Variants in ADGRV1 observed in about 807,000 individuals in gnomAD.
The protein encoded by ADGRV1 is adhesion G protein-coupled receptor V1.
Under a neutral mutation model 596.2 loss-of-function variants are expected in ADGRV1, and 359 were observed. The ratio of observed to expected loss-of-function variants is 0.60; its 90% confidence interval spans 0.55 to 0.66. The LOEUF (loss-of-function observed/expected upper bound fraction) is 0.66. Among genes scored for constraint, ADGRV1 ranks in the 30% least tolerant of loss-of-function variants. ADGRV1 has a pLI of 0.00. For synonymous variants in ADGRV1, 2,681 were observed against 2,679.2 expected, an observed-to-expected ratio of 1.00 and a Z score of -0.02; for missense variants, 7,274 against 7,575.6, an observed-to-expected ratio of 0.96 and a Z score of 1.48.
chr5:90,654,232 A>C, intron 20 of ADGRV1: 1 of 405,170 alleles, frequency 2.5e-6, no homozygotes, highest in Non-Finnish European at 4.5e-6. Flanking sequence ...GGAAGACAGA[A>C]AAAAATATGA....
At chr5:91,084,791 G>T (rs1427826404) in intron 86 of ADGRV1, among the ~76,000 whole-genome samples, 1 of 152,194 alleles carries the variant, frequency 6.6e-6, no homozygotes, top group Admixed American at 6.5e-5. Context: ...TATGTTTATT[G>T]AGGCACTATT....
chr5:90,714,587 A>G (rs1021605212), intron 42 of ADGRV1, among the ~76,000 whole-genome samples: 1 of 151,944 alleles, frequency 6.6e-6, no homozygotes, highest in Non-Finnish European at 1.5e-5. Flanking sequence ...TTTGATTTAT[A>G]TTTACATTAT....
intron 77 of ADGRV1, among the ~76,000 whole-genome samples, chr5:90,833,103 T>A (rs976634437): frequency 1.3e-5 from 2 of 152,056 alleles, no homozygotes; most frequent in African/African-American, 4.8e-5. Flanking sequence ...GTAGTTCCAT[T>A]TAAGATTATT....
At chr5:90,896,047 G>C (rs1771280020) in intron 83 of ADGRV1, among the ~76,000 whole-genome samples, 1 of 151,962 alleles carries the variant, frequency 6.6e-6, no homozygotes, top group South Asian at 2.1e-4. Flanking sequence ...CTATCAAAAT[G>C]ATCAAGCTAA....
intron 10 of ADGRV1, among the ~76,000 whole-genome samples, chr5:90,637,195 A>G (rs1766325398): frequency 6.6e-6 from 1 of 152,188 alleles, no homozygotes; most frequent in Non-Finnish European, 1.5e-5. Context: ...ACCCAGAGTC[A>G]TGATAAAAAT....
intron 32 of ADGRV1, among the ~76,000 whole-genome samples, chr5:90,693,191 A>G (rs1274541403): frequency 7.3e-6 from 1 of 136,370 alleles, no homozygotes; most frequent in Non-Finnish European, 1.5e-5. Context: ...CTCCTTCAGA[A>G]ATAGAAAACA....
At position 90,692,791 on chromosome 5, in the gene ADGRV1, A is replaced by G. The variant is rs1746655099; in HGVS notation, c.7133+5A>G. 9 of 1,579,272 alleles carry G rather than the reference A, an allele frequency of 5.7e-6. No individual in the cohort carries two copies. The highest frequency in any genetic ancestry group is 2.4e-5 in the South Asian group (2 of 84,252). On this transcript the variant is annotated splice_donor_5th_base_variant and intron_variant, in intron 32 of 89. Coordinates refer to ENST00000405460, the MANE Select transcript of ADGRV1 (RefSeq NM_032119.4). ...TAATATAACTGTCAGGCGAAGGTAT[A>G]TGAGATAGCTACTTGCCTCTGTGGG...
At chr5:90,655,603 G>C (rs959323291) in intron 20 of ADGRV1, 1 of 152,026 alleles carries the variant, frequency 6.6e-6, no homozygotes, top group East Asian at 1.9e-4. Context: ...GCAAATATTC[G>C]GTTTTAGTAG....
At chr5:90,931,641 G>T (rs1367870676) in intron 83 of ADGRV1, among the ~76,000 whole-genome samples, 1 of 152,168 alleles carries the variant, frequency 6.6e-6, no homozygotes, top group Admixed American at 6.5e-5. Flanking sequence ...TTATGTTGAA[G>T]TATGGAAAAC....
intron 70 of ADGRV1, among the ~76,000 whole-genome samples, chr5:90,801,802 C>T (rs116526111): frequency 2.0e-4 from 31 of 152,248 alleles, no homozygotes; most frequent in African/African-American, 7.5e-4. Context: ...CCAAGACCAA[C>T]GTTTCTATGG....
At chr5:91,096,030 A>G (rs982607399) in intron 86 of ADGRV1, among the ~76,000 whole-genome samples, 1 of 150,988 alleles carries the variant, frequency 6.6e-6, no homozygotes, top group Non-Finnish European at 1.5e-5. Flanking sequence ...AAAGTGCTGG[A>G]ATTACAGACG....
intron 85 of ADGRV1, among the ~76,000 whole-genome samples, chr5:91,040,486 T>C (rs1417813386): frequency 6.6e-6 from 1 of 152,218 alleles, no homozygotes; most frequent in Non-Finnish European, 1.5e-5. Context: ...TTGCTAAGTA[T>C]GTGTTGATGT....
intron 1 of ADGRV1, among the ~76,000 whole-genome samples, chr5:90,595,540 C>T (rs1428557967): frequency 2.1e-4 from 27 of 129,130 alleles, no homozygotes; most frequent in Non-Finnish European, 2.8e-4. Context: ...ACCTCCTGGA[C>T]GGGGCGGCTG....
In ADGRV1 at chr5:90,672,591, A is replaced by G; in HGVS notation, c.4798A>G (p.Arg1600Gly). The change falls in exon 22 of 90, where the codon AGA becomes GGA. Residue 1600 changes from arginine to glycine, a missense_variant. Arg to Gly is a moderately radical substitution (Grantham distance 125). Around this residue, in one of 5 missense-constraint regions of ADGRV1, gnomAD observed 3,643 missense variants for 3,809.2 expected, o/e 0.96. Transcript: ENST00000405460. The part of the protein sequence containing the change: ...STISCVVERT[R>G]GALDYVHVFY... Reference sequence around the variant, plus strand: ...CATTTCTTGTGTGGTTGAGAGAACCAGAGGAGCTCTGGATTATGTGCATGT... The same window carrying G: ...CATTTCTTGTGTGGTTGAGAGAACCGGAGGAGCTCTGGATTATGTGCATGT... 1 of 1,613,862 alleles carries G rather than the reference A, an allele frequency of 6.2e-7. No individual in the cohort carries two copies. Among genetic ancestry groups the G allele is most frequent in the Non-Finnish European group, 8.5e-7 (1 of 1,179,762 alleles).
chr5:90,910,551 TTATCTATC>T (rs58713482), intron 83 of ADGRV1, among the ~76,000 whole-genome samples: 13,654 of 147,082 alleles, frequency 0.093, 901 homozygotes, highest in African/African-American at 0.18. Context: ...TATATATATA[TTATCTATC>T]TATCTATCTA....
At chr5:90,749,683 A>G (rs552426538) in intron 52 of ADGRV1, among the ~76,000 whole-genome samples, 2 of 152,346 alleles carry the variant, frequency 1.3e-5, no homozygotes, top group East Asian at 3.9e-4. Flanking sequence ...GCTTTACTGC[A>G]TATGGAAAAT....
intron 86 of ADGRV1, among the ~76,000 whole-genome samples, chr5:91,076,786 AAC>A: frequency 1.3e-5 from 2 of 152,140 alleles, no homozygotes. Flanking sequence ...AACATACTAT[AAC>A]TCACCTCTAC....
intron 85 of ADGRV1, 82 bp from the exon 86 acceptor site, chr5:91,072,364 TA>T: frequency 8.2e-7 from 1 of 1,220,464 alleles, no homozygotes. Context: ...AGAGCTAGTA[TA>T]AAGTAGTGAT....
intron 87 of ADGRV1, among the ~76,000 whole-genome samples, chr5:91,137,495 A>T (rs2950848): frequency 1 from 151,653 of 152,354 alleles, 75,523 homozygotes; most frequent in Middle Eastern, 1. Flanking sequence ...GTGTAGCTCT[A>T]TGAAGCAGGT....
Sources: gnomAD v4.1 joint callset for allele counts (sites outside exome capture counted in the v4.1 genomes callset) on GRCh38, gnomAD v4.1.1 for gene constraint, gnomAD v4.1.1 regional missense constraint, MANE v1.5 for transcripts, NCBI Gene and HGNC (gene_info 2026-07-23, HGNC 2026-07-21) for gene names.